Variants in GAS2 observed in about 807,000 individuals in gnomAD.
GAS2 encodes the protein growth arrest-specific protein 2.
GAS2 carries 20 observed loss-of-function variants against 37.5 expected under a neutral mutation model. That is an observed-to-expected ratio of 0.53 (90% CI 0.37 to 0.77). GAS2 has a LOEUF of 0.77. Ranked by LOEUF, GAS2 falls within the 30% of genes least tolerant of loss-of-function variation. The pLI is 0.00. For missense variants in GAS2, 336 were observed against 373.4 expected (o/e 0.90, Z 0.82); for synonymous variants, 144 against 132.2 (o/e 1.09, Z -0.61).
At chr11:22,629,520 C>A (rs1858715843) in intron 1 of GAS2, among the ~76,000 whole-genome samples, 1 of 151,866 alleles carries the variant, frequency 6.6e-6, no homozygotes, top group East Asian at 1.9e-4. Context: ...AAGGTGGTAT[C>A]CCATTGTGGT....
At chr11:22,654,858 G>C (rs766388270) in intron 1 of GAS2, among the ~76,000 whole-genome samples, 19 of 152,102 alleles carry the variant, frequency 1.2e-4, no homozygotes, top group Non-Finnish European at 2.8e-4. Flanking sequence ...AGAGCATAAA[G>C]AGTTATGGTT....
At chr11:22,773,804 T>C (rs1388789654) in intron 7 of GAS2, among the ~76,000 whole-genome samples, 1 of 152,168 alleles carries the variant, frequency 6.6e-6, no homozygotes, top group Non-Finnish European at 1.5e-5. Context: ...ATCTCCTTCC[T>C]GACCTCGCTT....
intron 3 of GAS2, 121 bp downstream of exon 3, chr11:22,685,910 A>C: frequency 1.2e-6 from 1 of 849,190 alleles, no homozygotes; most frequent in Non-Finnish European, 1.7e-6. Context: ...TACTAACAAC[A>C]AAGTACAGAG....
intron 1 of GAS2, among the ~76,000 whole-genome samples, chr11:22,636,425 C>G (rs1037100051): frequency 6.6e-6 from 1 of 152,118 alleles, no homozygotes; most frequent in Non-Finnish European, 1.5e-5. Context: ...TTGTGGCTGT[C>G]TTTTAATATG....
chr11:22,780,577 G>T (rs1432218609), intron 7 of GAS2, among the ~76,000 whole-genome samples: 3 of 101,458 alleles, frequency 3.0e-5, no homozygotes, highest in East Asian at 5.9e-4. Context: ...AAAAAAAAAA[G>T]ATTGTAAGAT....
chr11:22,675,798 G>T (rs1849401891), intron 2 of GAS2, among the ~76,000 whole-genome samples: 1 of 152,146 alleles, frequency 6.6e-6, no homozygotes, highest in African/African-American at 2.4e-5. Flanking sequence ...ATCATTTGCA[G>T]GGGAGATTTC....
intron 2 of GAS2, among the ~76,000 whole-genome samples, chr11:22,678,928 T>C (rs1228239860): frequency 6.6e-6 from 1 of 152,024 alleles, no homozygotes; most frequent in Non-Finnish European, 1.5e-5. Flanking sequence ...TTCCTAGGCA[T>C]AGGATTAAAG....
rs189262033 is a variant in GAS2 at position 22,714,213 on chromosome 11, C to T, written c.268-12079C>T. 3.3e-3 allele frequency among the ~76,000 whole-genome samples: 500 copies of T among 152,102 alleles called. 3 individuals are homozygous for T. The highest frequency in any genetic ancestry group is 6.8e-3 in the Middle Eastern group (2 of 294). ...CATGCAAATGGAAACCAAAAGTGAG[C>T]AGGGGTAGCTATTCTTATATCAGAC... is the stretch of plus-strand genomic sequence containing the variant. On this transcript the variant is annotated intron_variant, in intron 3 of 7. Transcript: ENST00000454584.
chr11:22,770,966 C>T (rs1854947295), intron 7 of GAS2, among the ~76,000 whole-genome samples: 1 of 152,124 alleles, frequency 6.6e-6, no homozygotes. Flanking sequence ...ACAGCCAAAG[C>T]AAAGCAGACA....
In GAS2 at chr11:22,708,777, G is replaced by A. The variant is rs1041289251; in HGVS notation, c.268-17515G>A. 2.6e-5 allele frequency among the ~76,000 whole-genome samples: 4 copies of A among 152,180 alleles called. 1 individual carries two copies. Among genetic ancestry groups the A allele is most frequent in the African/African-American group, 9.7e-5 (4 of 41,438 alleles). On this transcript the variant is annotated intron_variant, in intron 3 of 7. Transcript: ENST00000454584. ...ATAAAGCCTACAGCCTAAAAGGAAA[G>A]ATAGTTGTTAATCAGTTAATCATAT...
At chr11:22,725,089 G>A (rs986760696) in intron 3 of GAS2, among the ~76,000 whole-genome samples, 8 of 151,908 alleles carry the variant, frequency 5.3e-5, no homozygotes, top group Admixed American at 3.9e-4. Flanking sequence ...CAGTTCACCC[G>A]AAGTCATGCT....
intron 3 of GAS2, among the ~76,000 whole-genome samples, chr11:22,724,104 A>C (rs528754442): frequency 2.8e-4 from 42 of 152,014 alleles, no homozygotes; most frequent in African/African-American, 9.6e-4. Context: ...ATGTATCACA[A>C]CATATTTACC....
intron 3 of GAS2, among the ~76,000 whole-genome samples, chr11:22,694,217 G>A (rs1197908809): frequency 6.6e-6 from 1 of 152,034 alleles, no homozygotes; most frequent in Non-Finnish European, 1.5e-5. Flanking sequence ...TACTTCCCAA[G>A]GCCCCATGAT....
chr11:22,685,051 G>A (rs1268061482), intron 2 of GAS2, among the ~76,000 whole-genome samples: 1 of 152,184 alleles, frequency 6.6e-6, no homozygotes, highest in African/African-American at 2.4e-5. Flanking sequence ...TGTAATCCCA[G>A]TACTTTTGGA....
At chr11:22,661,691 G>A (rs1052464659), upstream of GAS2, among the ~76,000 whole-genome samples, 2 of 152,182 alleles carry the variant, frequency 1.3e-5, no homozygotes, top group African/African-American at 4.8e-5. Context: ...GCATGGAGGT[G>A]TAACGGTATA....
chr11:22,792,767 C>T (rs1856233520), intron 7 of GAS2, among the ~76,000 whole-genome samples: 1 of 152,194 alleles, frequency 6.6e-6, no homozygotes, highest in Admixed American at 6.5e-5. Context: ...GGTGGATAGA[C>T]ATAGTCAGTG....
rs559200147 is a variant in GAS2 at position 22,706,783 on chromosome 11, T to C, written c.268-19509T>C. 4.6e-4 allele frequency among the ~76,000 whole-genome samples: 70 copies of C among 152,138 alleles called. No homozygotes were observed. In the East Asian group the frequency reaches 0.01, roughly 22 times the overall value. ...AAGTCTTTGCTATTGTGAATAGTGC[T>C]GCAATAAACATATGTGTGCATGTGT... On this transcript the variant is annotated intron_variant, in intron 3 of 7. Transcript: ENST00000454584.
chr11:22,710,210 CT>C (rs766387317), intron 3 of GAS2, among the ~76,000 whole-genome samples: 2 of 151,922 alleles, frequency 1.3e-5, no homozygotes, highest in Non-Finnish European at 2.9e-5. Flanking sequence ...ACAAAAACAA[CT>C]TTTTTTCCCC....
At chr11:22,743,717 A>T (rs1444747232) in intron 5 of GAS2, among the ~76,000 whole-genome samples, 1 of 152,008 alleles carries the variant, frequency 6.6e-6, no homozygotes, top group Non-Finnish European at 1.5e-5. Flanking sequence ...GTGAAATTTT[A>T]GAAGTAGGTT....
Sources: gnomAD v4.1 joint callset for allele counts (sites outside exome capture counted in the v4.1 genomes callset) on GRCh38, gnomAD v4.1.1 for gene constraint, MANE v1.5 for transcripts, NCBI Gene and HGNC (gene_info 2026-07-23, HGNC 2026-07-21) for gene names.